Variants in UBE2W observed in about 807,000 individuals in gnomAD.
The protein encoded by UBE2W is ubiquitin conjugating enzyme E2 W.
In UBE2W, 18 loss-of-function variants were observed where a neutral mutation model predicts 27.2. The observed-to-expected ratio is 0.66, with a 90% CI of 0.46 to 0.98. UBE2W has a LOEUF of 0.98. UBE2W is among the 50% of genes least tolerant of loss of function. The pLI is 0.00. For missense variants in UBE2W, 90 were observed against 180.2 expected (o/e 0.50, Z 2.87); for synonymous variants, 53 against 57.2 (o/e 0.93, Z 0.33).
chr8:73,848,831 T>C (rs1318026870), intron 1 of UBE2W, among the ~76,000 whole-genome samples: 2 of 152,232 alleles, frequency 1.3e-5, no homozygotes, highest in African/African-American at 4.8e-5. Context: ...CAAAGGTGTA[T>C]TCACTTTGTG....
At chr8:73,878,773 C>T in intron 1 of UBE2W, 35 bp downstream of exon 1, 1 of 1,530,056 alleles carries the variant, frequency 6.5e-7, no homozygotes. Context: ...CTCGGCGGCT[C>T]CCTGGCCCGC....
intron 1 of UBE2W, among the ~76,000 whole-genome samples, chr8:73,871,081 C>T (rs1487767725): frequency 6.6e-6 from 1 of 152,110 alleles, no homozygotes; most frequent in Non-Finnish European, 1.5e-5. Context: ...TATTGGGAAT[C>T]TAAAGAGATA....
chr8:73,863,028 C>T (rs1272768906), intron 1 of UBE2W, among the ~76,000 whole-genome samples: 1 of 110,176 alleles, frequency 9.1e-6, no homozygotes, highest in Non-Finnish European at 1.7e-5. Context: ...GGCGATTCCT[C>T]AGGGATCTAG....
intron 1 of UBE2W, chr8:73,870,168 T>G (rs1466848203): frequency 8.3e-7 from 1 of 1,207,224 alleles, no homozygotes; most frequent in African/African-American, 1.5e-5. Context: ...GAAGAAAAAA[T>G]TGTGCATTAA....
In UBE2W at chr8:73,864,770, G is replaced by A. The variant is rs561396966; in HGVS notation, c.15+14038C>T. Among the ~76,000 whole-genome samples the A allele has an allele frequency of 1.6e-4, 19 of 120,310 alleles. No homozygotes were observed. The South Asian group carries it at 5.1e-3, about 32-fold the overall frequency. 78.9% of individuals were successfully genotyped at this position (120,310 alleles called of 152,430 possible). A position where few individuals can be genotyped will look rare whatever the true frequency, so the allele number is the denominator to read the frequency against. On this transcript the variant is annotated intron_variant, in intron 1 of 5. Transcript: ENST00000602593. ...TTTTTTGGGGGGGGGGGGCGGGGGG[G>A]GCTGAGGGGATATTTTTAGCAGAGA...
chr8:73,839,513 C>T (rs924169941), intron 1 of UBE2W, among the ~76,000 whole-genome samples: 4 of 151,628 alleles, frequency 2.6e-5, no homozygotes, highest in Non-Finnish European at 5.9e-5. Flanking sequence ...AAAAATCAGC[C>T]GGGCATGGTG....
chr8:73,820,834 C>T (rs574069470), intron 3 of UBE2W, among the ~76,000 whole-genome samples: 8 of 152,004 alleles, frequency 5.3e-5, no homozygotes, highest in Non-Finnish European at 1.2e-4. Context: ...GGCTGTAGTC[C>T]CTGCTACTCT....
intron 1 of UBE2W, among the ~76,000 whole-genome samples, chr8:73,861,756 T>C (rs1811543022): frequency 6.6e-6 from 1 of 152,196 alleles, no homozygotes; most frequent in Admixed American, 6.5e-5. Context: ...AACCGCCCCA[T>C]AGCCACATCT....
Position 73,816,532 on chromosome 8 carries a change from AG to A in UBE2W, c.211-5904del, listed in dbSNP as rs928447835. ...TCCGTGGTAAGGAGGCATGAATAGG[AG>A]GGGGGAATGAGGATGAAGAGGAAGG... is the stretch of plus-strand genomic sequence containing the variant. On this transcript the variant is annotated intron_variant, in intron 3 of 5. Transcript: ENST00000602593. Among the ~76,000 whole-genome samples the A allele has an allele frequency of 2.8e-4, 43 of 152,060 alleles. 2 individuals carry two copies. The highest frequency in any genetic ancestry group is 2.9e-5 in the Non-Finnish European group (2 of 68,002).
At chr8:73,833,706 A>G (rs1810188112) in intron 1 of UBE2W, 1 of 151,548 alleles carries the variant, frequency 6.6e-6, no homozygotes, top group South Asian at 2.1e-4. Context: ...GAATTTTAAA[A>G]CCAAATAACT....
chr8:73,840,013 G>GGT (rs138655000), intron 1 of UBE2W, among the ~76,000 whole-genome samples: 3,488 of 148,734 alleles, frequency 0.023, 53 homozygotes, highest in Non-Finnish European at 0.038. Flanking sequence ...TGGGATTACA[G>GGT]GTGTTGAGCC....
At chr8:73,801,058 C>A (rs574582062) in intron 5 of UBE2W, among the ~76,000 whole-genome samples, 1 of 151,832 alleles carries the variant, frequency 6.6e-6, no homozygotes, top group African/African-American at 2.4e-5. Context: ...CCACTGCACT[C>A]CAGCCTGGGC....
In UBE2W at chr8:73,793,044, T is replaced by C. The variant is rs1808266807; in HGVS notation, c.*1058A>G. The stretch of plus-strand genomic sequence containing the variant: ...AGATGATACTCACAAGTAAAGAAAA[T>C]TTACAAGAAAAAACTTAACAAAAGT... On this transcript the variant is annotated 3_prime_UTR_variant, in exon 6 of 6. Transcript: ENST00000602593. The C allele has an allele frequency of 1.0e-6, 1 of 985,454 alleles. No homozygotes were observed. The highest frequency in any genetic ancestry group is 1.7e-5 in the African/African-American group (1 of 57,332). 61.0% of individuals were successfully genotyped at this position (985,454 alleles called of 1,614,324 possible).
intron 1 of UBE2W, among the ~76,000 whole-genome samples, chr8:73,837,250 T>C (rs1039619469): frequency 6.6e-6 from 1 of 152,238 alleles, no homozygotes; most frequent in Non-Finnish European, 1.5e-5. Context: ...CGGTGGCTCA[T>C]GCCTGTAATC....
intron 1 of UBE2W, among the ~76,000 whole-genome samples, chr8:73,862,971 T>C (rs1183795029): frequency 1.5e-4 from 18 of 116,886 alleles, no homozygotes; most frequent in African/African-American, 3.1e-4. Flanking sequence ...CACTTTTACA[T>C]TGTTGGTGGG....
rs1808078231 is a variant in UBE2W, at chr8:73,788,977, AAAAT to A, written c.*5121_*5124del. On this transcript the variant is annotated 3_prime_UTR_variant, in exon 6 of 6. Coordinates refer to ENST00000602593, the MANE Select transcript of UBE2W (RefSeq NM_018299.6). Reference sequence around the variant, plus strand: ...TTATTAACAAAAAATTTTTCATAAAAAAATAGTCATTTAATCATTCTAGAGACTC... The same window carrying A: ...TTATTAACAAAAAATTTTTCATAAAAAGTCATTTAATCATTCTAGAGACTC... 4.1e-6 allele frequency: 4 copies of A among 983,108 alleles called. No individual in the cohort carries two copies. The highest frequency in any genetic ancestry group is 4.8e-6 in the Non-Finnish European group (4 of 827,978). 60.9% of individuals were successfully genotyped at this position (983,108 alleles called of 1,614,324 possible).
At chr8:73,857,566 C>T (rs1169297558) in intron 1 of UBE2W, among the ~76,000 whole-genome samples, 1 of 152,092 alleles carries the variant, frequency 6.6e-6, no homozygotes, top group African/African-American at 2.4e-5. Flanking sequence ...ACCTGTAATC[C>T]CAGCACTTTG....
chr8:73,845,857 A>G (rs1194770557), intron 1 of UBE2W, among the ~76,000 whole-genome samples: 2 of 152,212 alleles, frequency 1.3e-5, no homozygotes, highest in African/African-American at 4.8e-5. Flanking sequence ...TGTAAGTAAA[A>G]CCACCAATTT....
Position 73,787,843 on chromosome 8 carries a change from G to A in UBE2W, c.*6259C>T, listed in dbSNP as rs545701643. 33 of 985,298 alleles carry A rather than the reference G, an allele frequency of 3.3e-5. No individual in the cohort carries two copies. Among genetic ancestry groups the A allele is most frequent in the African/African-American group, 3.0e-4 (17 of 57,344 alleles). 61.0% of individuals were successfully genotyped at this position (985,298 alleles called of 1,614,324 possible). A position where few individuals can be genotyped will look rare whatever the true frequency, so the allele number is the denominator to read the frequency against. On this transcript the variant is annotated 3_prime_UTR_variant, in exon 6 of 6. Coordinates refer to ENST00000602593, the MANE Select transcript of UBE2W (RefSeq NM_018299.6). ...TCACGATAACTCTAAGCAAGTGCCT[G>A]GGTCTCCATTTCCATCTTCACTGAA...
Sources: gnomAD v4.1 joint callset for allele counts (sites outside exome capture counted in the v4.1 genomes callset) on GRCh38, gnomAD v4.1.1 for gene constraint, MANE v1.5 for transcripts, NCBI Gene and HGNC (gene_info 2026-07-23, HGNC 2026-07-21) for gene names.